Variants in DENND3 observed in about 807,000 individuals in gnomAD.
DENND3 encodes DENN domain-containing protein 3.
A neutral mutation model predicts 135.1 loss-of-function variants in DENND3; 88 were observed. That is an observed-to-expected ratio of 0.65 (90% CI 0.55 to 0.78). The LOEUF is 0.78. DENND3 is among the 30% of genes least tolerant of loss of function. The pLI, the probability that DENND3 is intolerant of heterozygous loss-of-function variation, is 0.00. For synonymous variants in DENND3, 693 were observed against 712.3 expected (o/e 0.97, Z 0.43); for missense variants, 1,392 against 1,688.4 (o/e 0.82, Z 3.08).
At chr8:141,190,479 T>C in intron 20 of DENND3, 62 bp downstream of exon 20, 1 of 1,509,416 alleles carries the variant, frequency 6.6e-7, no homozygotes, top group Non-Finnish European at 8.8e-7. Flanking sequence ...AAAAGGATGC[T>C]GAACGAGAGC....
chr8:141,141,021 G>GC lies in DENND3; in HGVS notation c.502-181dup, dbSNP rs1569555197. Among the ~76,000 whole-genome samples the GC allele has an allele frequency of 6.6e-6, 1 of 152,242 alleles. No homozygotes were observed. The highest frequency in any genetic ancestry group is 1.5e-5 in the Non-Finnish European group (1 of 68,042). On this transcript the variant is annotated intron_variant, in intron 3 of 22. Transcript: ENST00000519811. This position sits in a 1 kb window ranked among gnomAD's most constrained non-coding sequence, Gnocchi z 5.3. ...TTATAGCCTCAGCACCTCAAATGGT[G>GC]CAAGCACCAAATAGGGACCCCGTAG... is the stretch of plus-strand genomic sequence containing the variant.
At chr8:141,148,030 A>G (rs569471846) in intron 5 of DENND3, among the ~76,000 whole-genome samples, 3 of 152,314 alleles carry the variant, frequency 2.0e-5, no homozygotes, top group Admixed American at 1.3e-4. Flanking sequence ...GTCATACATG[A>G]GTGTTTATTG....
Position 141,137,649 on chromosome 8 carries a change from A to T in DENND3, c.386-373A>T, listed in dbSNP as rs1816931956. Reference sequence around the variant, plus strand: ...GTTATTTTTCCTGTGGTCTTCAGGAATGTTAAAATGGCCGAGGTAGGAAAC... The same window carrying T: ...GTTATTTTTCCTGTGGTCTTCAGGATTGTTAAAATGGCCGAGGTAGGAAAC... On this transcript the variant is annotated intron_variant, in intron 2 of 22. Coordinates refer to ENST00000519811, the MANE Select transcript of DENND3 (RefSeq NM_001352890.3). The surrounding 1 kb of genome is among the most constrained non-coding windows in gnomAD (Gnocchi z 4.1). Among the ~76,000 whole-genome samples, 1 of 152,176 alleles carries T rather than the reference A, an allele frequency of 6.6e-6. No individual in the cohort carries two copies. The highest frequency in any genetic ancestry group is 1.5e-5 in the Non-Finnish European group (1 of 68,032).
chr8:141,181,760 TTGTATTTTTTG>T (rs1208610655), intron 17 of DENND3, among the ~76,000 whole-genome samples: 6 of 150,636 alleles, frequency 4.0e-5, no homozygotes, highest in Admixed American at 6.6e-5. Flanking sequence ...CAGAAAAGAT[TTGTATTTTTTG>T]TGTATTTTTT....
chr8:141,145,121 C>T (rs1817883841), intron 5 of DENND3, among the ~76,000 whole-genome samples: 2 of 152,146 alleles, frequency 1.3e-5, no homozygotes, highest in African/African-American at 2.4e-5. Context: ...TGAAAAGAGA[C>T]ATTCACCATC....
intron 9 of DENND3, among the ~76,000 whole-genome samples, chr8:141,162,438 A>T (rs1820246860): frequency 6.6e-6 from 1 of 152,192 alleles, no homozygotes; most frequent in South Asian, 2.1e-4. Flanking sequence ...CTTTAAAAAA[A>T]AGAGGCAGAA....
At chr8:141,185,342 G>T (rs1264141783) in intron 18 of DENND3, 64 bp downstream of exon 18, 3 of 1,602,276 alleles carry the variant, frequency 1.9e-6, no homozygotes, top group Admixed American at 3.4e-5. Context: ...ACCCAAGTGT[G>T]TTCATCCATA....
chr8:141,186,837 A>T (rs1389269075), intron 18 of DENND3, among the ~76,000 whole-genome samples: 1 of 151,552 alleles, frequency 6.6e-6, no homozygotes, highest in African/African-American at 2.4e-5. Context: ...GCAGACCATC[A>T]TTTCTTGGGG....
rs1477345325 is a variant in DENND3 at position 141,174,677 on chromosome 8, A to G, written c.2276-523A>G. ...TTTCAGTTGCAGACAACAAAAGTCA[A>G]TGATTTGCTGGTAACCAAAGAGTGT... On this transcript the variant is annotated intron_variant, in intron 13 of 22. Coordinates refer to ENST00000519811, the MANE Select transcript of DENND3 (RefSeq NM_001352890.3). The surrounding 1 kb of genome is among the most constrained non-coding windows in gnomAD (Gnocchi z 4.6). Among the ~76,000 whole-genome samples the G allele has an allele frequency of 6.6e-6, 1 of 152,180 alleles. No individual in the cohort carries two copies. The highest frequency in any genetic ancestry group is 1.5e-5 in the Non-Finnish European group (1 of 68,020).
chr8:141,166,194 A>G lies in DENND3; in HGVS notation c.1558A>G (p.Asn520Asp), dbSNP rs1272726824. 2 of 1,614,060 alleles carry G rather than the reference A, an allele frequency of 1.2e-6. No homozygotes were observed. Among genetic ancestry groups the G allele is most frequent in the Non-Finnish European group, 1.7e-6 (2 of 1,180,032 alleles). Reference protein sequence around the residue: ...LDTQSEEDRINGMLLSPRRPT... With the variant: ...LDTQSEEDRIDGMLLSPRRPT... ...CGTTGCTTTTTCGTACCCCAGAATA[A>G]ATGGAATGCTTCTAAGTCCAAGGAG... Residue 520 changes from asparagine to aspartate, a missense_variant, in exon 12 of 23, where the codon AAT becomes GAT. Physicochemically the swap from Asn to Asp is conservative, Grantham distance 23. Transcript: ENST00000519811. The surrounding 1 kb of genome is among the most constrained non-coding windows in gnomAD (Gnocchi z 4.3).
In DENND3 at chr8:141,180,835, C is replaced by T. The variant is rs149194254; in HGVS notation, c.2925C>T (p.Asp975=). The T allele has an allele frequency of 1.3e-3, 2,057 of 1,613,048 alleles. 21 individuals carry two copies. In the African/African-American group the frequency reaches 0.024, roughly 19 times the overall value. Residue 975 remains aspartate (D), a synonymous_variant, in exon 17 of 23, where the codon GAC becomes GAT. Transcript: ENST00000519811. ...GGGAGGCGTTCCCACAAGCGGTGGA[C>T]GTGCTGCTCTACACTCCAGGTAAGG... is the stretch of plus-strand genomic sequence containing the variant. ...SAGEAFPQAV[D]VLLYTPGHLD...
chr8:141,162,153 T>C (rs1820214883), intron 9 of DENND3, among the ~76,000 whole-genome samples: 1 of 152,206 alleles, frequency 6.6e-6, no homozygotes, highest in Admixed American at 6.5e-5. Context: ...GCGAATAATT[T>C]ATTAGGAAAA....
intron 13 of DENND3, among the ~76,000 whole-genome samples, chr8:141,172,701 C>T (rs753861085): frequency 1.3e-5 from 2 of 152,180 alleles, no homozygotes; most frequent in Non-Finnish European, 2.9e-5. Context: ...CGCCTGGCCA[C>T]CTGACCAAAA....
rs978042398 is a variant in DENND3, at chr8:141,195,355, T to A, written c.*1122T>A. On this transcript the variant is annotated 3_prime_UTR_variant, in exon 23 of 23. Transcript: ENST00000519811. ...AGCTGGGCCACGGAGCTCCAGCTTC[T>A]CAGGACAAAGCCCCGGGGCTGGCGC... 4 of 152,272 alleles carry A rather than the reference T, an allele frequency of 2.6e-5. No individual in the cohort carries two copies. The highest frequency in any genetic ancestry group is 6.5e-5 in the Admixed American group (1 of 15,286). The allele number at this position is 152,272 out of a possible 1,614,324, so 9.4% of individuals were successfully genotyped here.
rs1341261704 is a variant in DENND3 at position 141,168,357 on chromosome 8, G to A, written c.2107G>A (p.Glu703Lys). 6.8e-6 allele frequency: 11 copies of A among 1,613,722 alleles called. No individual in the cohort carries two copies. The highest frequency in any genetic ancestry group is 4.0e-5 in the African/African-American group (3 of 74,906). ...QAPELMRLIS[E>K]ILDKPHEASK... ...GCCGGAGCTGATGAGGCTCATCAGC[G>A]AGATCCTGGACAAGCCGCACGAGGC... The change falls in exon 13 of 23, where the codon GAG becomes AAG. Residue 703 changes from glutamate (E) to lysine (K), a missense_variant. By Grantham distance (56) the Glu-to-Lys change is moderately conservative. Transcript: ENST00000519811. The surrounding 1 kb of genome is among the most constrained non-coding windows in gnomAD (Gnocchi z 6.2).
At chr8:141,172,378 G>T (rs985365262) in intron 13 of DENND3, among the ~76,000 whole-genome samples, 3 of 152,144 alleles carry the variant, frequency 2.0e-5, no homozygotes, top group Admixed American at 1.3e-4. Flanking sequence ...CTTCTTGCCT[G>T]ATGGGACTTC....
Position 141,146,608 on chromosome 8 carries a change from GAA to G in DENND3, c.735+2354_735+2355del, listed in dbSNP as rs1818175383. Among the ~76,000 whole-genome samples the G allele has an allele frequency of 6.6e-6, 1 of 152,076 alleles. No homozygotes were observed. Among genetic ancestry groups the G allele is most frequent in the African/African-American group, 2.4e-5 (1 of 41,414 alleles). On this transcript the variant is annotated intron_variant, in intron 5 of 22. Coordinates refer to ENST00000519811, the MANE Select transcript of DENND3 (RefSeq NM_001352890.3). This position sits in a 1 kb window ranked among gnomAD's most constrained non-coding sequence, Gnocchi z 4.3. ...TCTACATTTTTCTTTACTGACAATGGAAAAAATAAGTTTCTTGTATCAAAAGA... is the reference window on the plus strand; with the variant it reads ...TCTACATTTTTCTTTACTGACAATGGAAAATAAGTTTCTTGTATCAAAAGA...
At chr8:141,178,772 G>A (rs1343908845) in intron 16 of DENND3, among the ~76,000 whole-genome samples, 2 of 152,182 alleles carry the variant, frequency 1.3e-5, no homozygotes, top group Non-Finnish European at 2.9e-5. Context: ...TTTGCATCTG[G>A]CTCTCGCATT....
intron 16 of DENND3, among the ~76,000 whole-genome samples, chr8:141,180,352 C>T (rs1393862487): frequency 2.0e-5 from 3 of 152,200 alleles, no homozygotes; most frequent in Non-Finnish European, 4.4e-5. Context: ...CTTGGGAGGG[C>T]TTCGTTATTG....
Sources: allele counts gnomAD v4.1 joint callset (sites outside exome capture counted in the v4.1 genomes callset), GRCh38; gene constraint gnomAD v4.1.1; non-coding constraint Gnocchi (gnomAD v3.1); transcripts MANE v1.5; gene names NCBI Gene and HGNC (gene_info 2026-07-23, HGNC 2026-07-21).